LPO: variants seen among roughly 807,000 people sequenced by gnomAD.
The protein encoded by LPO is lactoperoxidase, also known as salivary peroxidase.
A neutral mutation model predicts 68.4 loss-of-function variants in LPO; 70 were observed. The observed-to-expected ratio is 1.02, with a 90% CI of 0.84 to 1.25. LPO has a LOEUF of 1.25. Among genes scored for constraint, LPO ranks in the 50% most tolerant of loss-of-function variants. LPO has a pLI of 0.00. For missense variants in LPO, 873 were observed against 908.4 expected, an observed-to-expected ratio of 0.96 and a Z score of 0.50; for synonymous variants, 360 against 357.6, an observed-to-expected ratio of 1.01 and a Z score of -0.08.
chr17:58,251,043 C>G (rs1241117418), intron 7 of LPO: 5 of 201,994 alleles, frequency 2.5e-5, no homozygotes, highest in Non-Finnish European at 5.2e-5. Context: ...CTTGGGGAGG[C>G]TGAGGTGGAC....
Position 58,268,017 on chromosome 17 carries a change from T to G in LPO, c.*23T>G, listed in dbSNP as rs1970309082. The G allele has an allele frequency of 1.2e-6, 2 of 1,611,358 alleles. No homozygotes were observed. The highest frequency in any genetic ancestry group is 3.3e-5 in the Admixed American group (2 of 60,002). On this transcript the variant is annotated 3_prime_UTR_variant, in exon 13 of 13. Coordinates refer to ENST00000262290, the MANE Select transcript of LPO (RefSeq NM_006151.3). The stretch of plus-strand genomic sequence containing the variant: ...TAGGGGCCCGCGCTGCACAGGAAAG[T>G]TCCCTTTGGTCCACAGGGCCATTTC...
chr17:58,254,443 TC>T (rs1970029289), intron 8 of LPO: 1 of 158,042 alleles, frequency 6.3e-6, no homozygotes, highest in Non-Finnish European at 1.4e-5. Context: ...CATTCGAAGC[TC>T]CCCTTCCTAG....
intron 3 of LPO, among the ~76,000 whole-genome samples, chr17:58,246,748 A>T (rs1022264665): frequency 1.3e-5 from 2 of 152,180 alleles, no homozygotes; most frequent in African/African-American, 2.4e-5. Context: ...TGATGCTCAC[A>T]CACGTGAGTG....
At chr17:58,250,751 G>A (rs567491204) in intron 7 of LPO, 130 bp downstream of exon 7, 6 of 866,612 alleles carry the variant, frequency 6.9e-6, no homozygotes, top group South Asian at 1.6e-5. Flanking sequence ...CATGCCTCAC[G>A]TGTCCATTCG....
rs1425461697 is a variant in LPO at position 58,252,466 on chromosome 17, G to A, written c.1065G>A (p.Glu355=). 12 of 1,613,790 alleles carry A rather than the reference G, an allele frequency of 7.4e-6. No individual in the cohort carries two copies. Among genetic ancestry groups the A allele is most frequent in the Non-Finnish European group, 9.3e-6 (11 of 1,179,988 alleles). ...ACAGCAAGAAGCCAAGCCCCTGTGAGTTCATCAACACCACTGCCCGTGTGC... is the reference window on the plus strand; with the variant it reads ...ACAGCAAGAAGCCAAGCCCCTGTGAATTCATCAACACCACTGCCCGTGTGC... The part of the protein sequence containing the change: ...PYDSKKPSPC[E]FINTTARVPC... The change falls in exon 8 of 13, where the codon GAG becomes GAA. Residue 355 remains glutamate, a synonymous_variant. Transcript: ENST00000262290.
chr17:58,256,056 A>T (rs1970064132), intron 9 of LPO, among the ~76,000 whole-genome samples: 1 of 152,084 alleles, frequency 6.6e-6, no homozygotes, highest in African/African-American at 2.4e-5. Context: ...TCAGTTCTCC[A>T]TCTCTATGTT....
At chr17:58,241,512 A>T (rs888679725) in intron 1 of LPO, among the ~76,000 whole-genome samples, 2 of 151,904 alleles carry the variant, frequency 1.3e-5, no homozygotes, top group African/African-American at 4.8e-5. Flanking sequence ...AACTCAATGA[A>T]CCCTGCAATG....
chr17:58,246,404 G>C (rs1969852773), intron 3 of LPO, among the ~76,000 whole-genome samples: 1 of 152,210 alleles, frequency 6.6e-6, no homozygotes, highest in Non-Finnish European at 1.5e-5. Flanking sequence ...GTGGAAGTAA[G>C]AGCTGTCTAG....
intron 1 of LPO, among the ~76,000 whole-genome samples, chr17:58,239,736 A>T (rs990407214): frequency 6.6e-6 from 1 of 152,194 alleles, no homozygotes; most frequent in Non-Finnish European, 1.5e-5. Flanking sequence ...TCTGCAGACC[A>T]GCAACATCAT....
In LPO at chr17:58,250,590, G is replaced by C; in HGVS notation, c.749G>C (p.Cys250Ser). The C allele has an allele frequency of 1.2e-6, 2 of 1,614,104 alleles. No individual in the cohort carries two copies. Among genetic ancestry groups the C allele is most frequent in the African/African-American group, 1.3e-5 (1 of 74,994 alleles). ...TCCAAAGCCCAGTGTGATGAGTACT[G>C]TATCCAGGGAGACAACTGCTTCCCC... ...EYSKAQCDEY[C>S]IQGDNCFPIM... Residue 250 changes from cysteine to serine, a missense_variant, in exon 7 of 13, where the codon TGT becomes TCT. Cys to Ser is a moderately radical substitution (Grantham distance 112). Coordinates refer to ENST00000262290, the MANE Select transcript of LPO (RefSeq NM_006151.3).
At chr17:58,250,362 C>A in intron 6 of LPO, 53 bp from the exon 7 acceptor site, 1 of 1,425,518 alleles carries the variant, frequency 7.0e-7, no homozygotes, top group South Asian at 1.2e-5. Flanking sequence ...GCATCTGAAT[C>A]CTCAAAGCAC....
chr17:58,240,850 T>C (rs1015205485), intron 1 of LPO, among the ~76,000 whole-genome samples: 8 of 152,192 alleles, frequency 5.3e-5, no homozygotes, highest in Admixed American at 4.6e-4. Flanking sequence ...GCATTAGTCA[T>C]TCAAAGAACA....
chr17:58,255,006 ACCTGGCTCCCACT>A, intron 9 of LPO, 35 bp downstream of exon 9: 1 of 1,604,534 alleles, frequency 6.2e-7, no homozygotes, highest in East Asian at 2.2e-5. Context: ...ACCTGGTCCC[ACCTGGCTCCCACT>A]CCTGGCTCTG....
intron 3 of LPO, chr17:58,244,290 T>C (rs1969814332): frequency 1.7e-6 from 1 of 585,744 alleles, no homozygotes; most frequent in Admixed American, 2.9e-5. Flanking sequence ...GTCCTCAGCC[T>C]GTACATCACC....
At chr17:58,242,013 T>G (rs909889143) in intron 1 of LPO, among the ~76,000 whole-genome samples, 4 of 152,152 alleles carry the variant, frequency 2.6e-5, no homozygotes, top group Non-Finnish European at 4.4e-5. Flanking sequence ...TGCTTCTGGA[T>G]TCCACCAGTG....
intron 1 of LPO, among the ~76,000 whole-genome samples, chr17:58,242,592 G>A (rs946608625): frequency 1.2e-4 from 19 of 152,298 alleles, no homozygotes; most frequent in East Asian, 1.2e-3. Context: ...AGCATCTCCC[G>A]ACCACAGGCT....
At chr17:58,264,670 A>T in intron 9 of LPO, 52 bp from the exon 10 acceptor site, 3 of 1,598,460 alleles carry the variant, frequency 1.9e-6, no homozygotes, top group Admixed American at 1.7e-5. Context: ...CTCCCTCTGC[A>T]GAGGTTTAAA....
chr17:58,248,913 A>G lies in LPO; in HGVS notation c.326-147A>G, dbSNP rs955314401. 2.4e-5 allele frequency: 17 copies of G among 714,760 alleles called. No homozygotes were observed. In the East Asian group the frequency reaches 4.2e-4, roughly 18 times the overall value. The allele number at this position is 714,760 out of a possible 1,614,324, so 44.3% of individuals were successfully genotyped here. A position where few individuals can be genotyped will look rare whatever the true frequency, so the allele number is the denominator to read the frequency against. The stretch of plus-strand genomic sequence containing the variant: ...TATTACCTTAATGTGCTGTCAGATT[A>G]ATTGAGAAACCACTTGAGAAACGCT... On this transcript the variant is annotated intron_variant, in intron 4 of 12. Transcript: ENST00000262290.
At chr17:58,246,441 C>G (rs8178309) in intron 3 of LPO, among the ~76,000 whole-genome samples, 4,220 of 152,218 alleles carry the variant, frequency 0.028, 200 homozygotes, top group African/African-American at 0.096. Flanking sequence ...GCTAGGACCG[C>G]GGTGGAGACT....
Sources: allele counts gnomAD v4.1 joint callset (sites outside exome capture counted in the v4.1 genomes callset), GRCh38; gene constraint gnomAD v4.1.1; transcripts MANE v1.5; gene names NCBI Gene and HGNC (gene_info 2026-07-23, HGNC 2026-07-21).